LGSN: variants seen among roughly 807,000 people sequenced by gnomAD.
LGSN encodes lengsin.
LGSN carries 21 observed loss-of-function variants against 19.5 expected under a neutral mutation model. The observed-to-expected ratio is 1.07, with a 90% CI of 0.76 to 1.55. LGSN has a LOEUF of 1.55. LGSN is among the 40% of genes most tolerant of loss of function. LGSN has a pLI of 0.00. For synonymous variants in LGSN, 257 were observed against 215.6 expected (o/e 1.19, Z -1.68); for missense variants, 673 against 608.5 (o/e 1.11, Z -1.12).
chr6:63,453,907 C>T, the LGSN span, among the ~76,000 whole-genome samples: 3 of 152,286 alleles, frequency 2.0e-5, no homozygotes, highest in African/African-American at 4.8e-5. Context: ...CCACCTGCCT[C>T]GGCCTCCCAA....
At chr6:63,522,862 C>CTT in the LGSN span, among the ~76,000 whole-genome samples, 38 of 126,392 alleles carry the variant, frequency 3.0e-4, no homozygotes, top group African/African-American at 5.0e-4. Flanking sequence ...GACTAAATCA[C>CTT]TTTTTTTTTT....
the LGSN span, among the ~76,000 whole-genome samples, chr6:63,423,972 G>A: frequency 1.3e-5 from 2 of 152,178 alleles, no homozygotes; most frequent in African/African-American, 4.8e-5. Flanking sequence ...CCTGGGAGGC[G>A]GAGGTTGCAG....
chr6:63,337,596 G>A, the LGSN span, among the ~76,000 whole-genome samples: 1 of 151,570 alleles, frequency 6.6e-6, no homozygotes, highest in African/African-American at 2.4e-5. Context: ...GAGCTCAGGA[G>A]TTTGAGACCA....
At chr6:63,323,557 TATACACACAC>T (rs1430257293), upstream of LGSN, among the ~76,000 whole-genome samples, 44 of 96,252 alleles carry the variant, frequency 4.6e-4, no homozygotes, top group African/African-American at 1.8e-3. Flanking sequence ...CAAAACCTCA[TATACACACAC>T]ACACACACAC....
At chr6:63,443,588 TC>T in the LGSN span, 1 of 1,047,208 alleles carries the variant, frequency 9.5e-7, no homozygotes, top group Non-Finnish European at 1.2e-6. Context: ...AGTGAGCTTG[TC>T]CCCAGCACCT....
chr6:63,455,538 T>C, the LGSN span, among the ~76,000 whole-genome samples: 1 of 151,006 alleles, frequency 6.6e-6, no homozygotes, highest in Non-Finnish European at 1.5e-5. Context: ...ATGGATCACC[T>C]GGGGTCAGGA....
At chr6:63,440,962 T>A in the LGSN span, 1 of 156,836 alleles carries the variant, frequency 6.4e-6, no homozygotes, top group East Asian at 1.9e-4. Flanking sequence ...ATCCCAACAC[T>A]TTGAGAGGCC....
At chr6:63,318,256 C>A (rs1768941215) in intron 1 of LGSN, among the ~76,000 whole-genome samples, 1 of 152,178 alleles carries the variant, frequency 6.6e-6, no homozygotes. Flanking sequence ...TCCATATACA[C>A]AATCTGCCCT....
intron 1 of LGSN, among the ~76,000 whole-genome samples, chr6:63,319,136 T>C (rs571870364): frequency 6.6e-6 from 1 of 152,252 alleles, no homozygotes; most frequent in Admixed American, 6.5e-5. Context: ...GTGAACCCAT[T>C]CTTAGATGTT....
chr6:63,457,275 C>T, the LGSN span, among the ~76,000 whole-genome samples: 5 of 152,024 alleles, frequency 3.3e-5, no homozygotes, highest in African/African-American at 9.7e-5. Context: ...GAGTCCGAGG[C>T]GGGTGGATCA....
At chr6:63,570,914 G>A in the LGSN span, 2 of 151,662 alleles carry the variant, frequency 1.3e-5, no homozygotes, top group African/African-American at 4.8e-5. Context: ...CCTTTTTTTC[G>A]ACATGAGTTC....
At chr6:63,404,783 T>TA in the LGSN span, among the ~76,000 whole-genome samples, 208 of 151,650 alleles carry the variant, frequency 1.4e-3, no homozygotes, top group African/African-American at 2.1e-3. Context: ...ATTAATATAC[T>TA]AAAAAAAAGT....
the LGSN span, among the ~76,000 whole-genome samples, chr6:63,540,395 C>T: frequency 6.6e-6 from 1 of 151,952 alleles, no homozygotes; most frequent in East Asian, 1.9e-4. Flanking sequence ...CTGAGGCAGG[C>T]AGATTGCTTG....
At chr6:63,508,462 T>C in the LGSN span, among the ~76,000 whole-genome samples, 9 of 152,312 alleles carry the variant, frequency 5.9e-5, no homozygotes, top group Middle Eastern at 3.4e-3. Flanking sequence ...TGTATCTTTA[T>C]ATAGTAGAAT....
the LGSN span, among the ~76,000 whole-genome samples, chr6:63,337,403 C>A: frequency 6.6e-6 from 1 of 151,602 alleles, no homozygotes; most frequent in East Asian, 2.0e-4. Context: ...GCAGAGGTTG[C>A]GAGGTAGAGG....
the LGSN span, among the ~76,000 whole-genome samples, chr6:63,361,050 G>A: frequency 1.2e-4 from 18 of 152,364 alleles, no homozygotes; most frequent in Admixed American, 3.9e-4. Context: ...GCCATGTGAG[G>A]TGTCAGTCCT....
At chr6:63,479,549 C>A in the LGSN span, among the ~76,000 whole-genome samples, 1 of 151,860 alleles carries the variant, frequency 6.6e-6, no homozygotes. Context: ...ACCATCCTGG[C>A]CAATATGGTG....
the LGSN span, among the ~76,000 whole-genome samples, chr6:63,563,246 A>C: frequency 6.6e-6 from 1 of 152,214 alleles, no homozygotes; most frequent in Non-Finnish European, 1.5e-5. Context: ...ACTGTCAGCA[A>C]AATAAATCCA....
chr6:63,478,830 G>C, the LGSN span, among the ~76,000 whole-genome samples: 1 of 152,210 alleles, frequency 6.6e-6, no homozygotes, highest in Non-Finnish European at 1.5e-5. Context: ...TTTGATGCAA[G>C]AGTTCAGTGA....
Sources: allele counts gnomAD v4.1 joint callset (sites outside exome capture counted in the v4.1 genomes callset), GRCh38; gene constraint gnomAD v4.1.1; transcripts MANE v1.5; gene names NCBI Gene and HGNC (gene_info 2026-07-23, HGNC 2026-07-21).